FSTL5: variants seen among roughly 807,000 people sequenced by gnomAD.
FSTL5 encodes the protein follistatin like 5, also known as follistatin-related protein 5.
Under a neutral mutation model 89.1 loss-of-function variants are expected in FSTL5, and 62 were observed. That is an observed-to-expected ratio of 0.70 (90% CI 0.57 to 0.86). The LOEUF (loss-of-function observed/expected upper bound fraction) is 0.86, where lower values mean the gene tolerates loss of function less well. FSTL5 is among the 40% of genes least tolerant of loss of function. The pLI is 0.00. For synonymous variants in FSTL5, 383 were observed against 346.2 expected (o/e 1.11, Z -1.18); for missense variants, 1,057 against 1,001.6 (o/e 1.06, Z -0.75).
At chr4:161,452,557 A>C (rs1369232897) in intron 15 of FSTL5, among the ~76,000 whole-genome samples, 1 of 152,138 alleles carries the variant, frequency 6.6e-6, no homozygotes, top group Non-Finnish European at 1.5e-5. Flanking sequence ...GATGTGGAAT[A>C]AATCCTCATT....
At chr4:161,411,439 C>A (rs1182391723) in intron 15 of FSTL5, among the ~76,000 whole-genome samples, 2 of 151,000 alleles carry the variant, frequency 1.3e-5, no homozygotes. Context: ...AAATCCTCAA[C>A]AAAATACTAG....
chr4:161,748,793 A>G (rs1219252766), intron 6 of FSTL5, among the ~76,000 whole-genome samples: 1 of 152,098 alleles, frequency 6.6e-6, no homozygotes, highest in Admixed American at 6.6e-5. Context: ...TGATTAAATG[A>G]CCATCAATAA....
At chr4:161,623,104 C>T (rs1328344367) in intron 7 of FSTL5, among the ~76,000 whole-genome samples, 1 of 151,938 alleles carries the variant, frequency 6.6e-6, no homozygotes, top group Non-Finnish European at 1.5e-5. Flanking sequence ...CTAGCACACT[C>T]GGAATAAAAT....
chr4:162,156,281 T>C (rs1733468415), intron 1 of FSTL5, among the ~76,000 whole-genome samples: 1 of 152,172 alleles, frequency 6.6e-6, no homozygotes, highest in South Asian at 2.1e-4. Flanking sequence ...GCAAATCTTA[T>C]ATGCTATTGG....
intron 6 of FSTL5, among the ~76,000 whole-genome samples, chr4:161,724,024 G>A (rs1331772275): frequency 6.6e-6 from 1 of 151,502 alleles, no homozygotes; most frequent in African/African-American, 2.4e-5. Flanking sequence ...AGTACAACCA[G>A]ATGAGATTAA....
intron 15 of FSTL5, chr4:161,387,169 C>T (rs1730676375): frequency 6.6e-6 from 1 of 151,968 alleles, no homozygotes; most frequent in Admixed American, 6.6e-5. Context: ...TATTTTTAAA[C>T]TCACCTAGAA....
intron 4 of FSTL5, among the ~76,000 whole-genome samples, chr4:161,872,789 T>C (rs1190871319): frequency 6.6e-6 from 1 of 152,172 alleles, no homozygotes; most frequent in African/African-American, 2.4e-5. Flanking sequence ...AATTGAAGTT[T>C]GAGAGAAACT....
intron 8 of FSTL5, among the ~76,000 whole-genome samples, chr4:161,567,897 C>T (rs987371973): frequency 1.3e-5 from 2 of 151,988 alleles, no homozygotes; most frequent in Non-Finnish European, 2.9e-5. Context: ...AAACGATCTT[C>T]CCATTTGGTC....
At chr4:161,591,549 C>CTA (rs927719194) in intron 7 of FSTL5, among the ~76,000 whole-genome samples, 1 of 151,924 alleles carries the variant, frequency 6.6e-6, no homozygotes, top group African/African-American at 2.4e-5. Context: ...CATAATAAAA[C>CTA]TATATATATT....
intron 8 of FSTL5, among the ~76,000 whole-genome samples, chr4:161,566,100 C>CTATATATATATA (rs59511238): frequency 1.9e-4 from 10 of 54,050 alleles, no homozygotes; most frequent in South Asian, 7.5e-4. Context: ...TTTTTTTGGA[C>CTATATATATATA]TATATATATA....
intron 13 of FSTL5, among the ~76,000 whole-genome samples, chr4:161,474,049 T>C (rs928855143): frequency 2.0e-5 from 3 of 152,214 alleles, no homozygotes; most frequent in African/African-American, 4.8e-5. Flanking sequence ...ATTATTGTCT[T>C]CATTCATGTT....
chr4:161,935,153 T>A (rs80229139), intron 3 of FSTL5, among the ~76,000 whole-genome samples: 8,283 of 152,232 alleles, frequency 0.054, 284 homozygotes, highest in Non-Finnish European at 0.08. Flanking sequence ...AGTTCCTAGT[T>A]AATGATTCTA....
chr4:161,559,392 CTTT>C lies in FSTL5; in HGVS notation c.1016-16702_1016-16700del, dbSNP rs1358642690. Among the ~76,000 whole-genome samples, 24 of 151,830 alleles carry C rather than the reference CTTT, an allele frequency of 1.6e-4. 1 individual carries two copies. The East Asian group carries it at 4.5e-3, about 28-fold the overall frequency. On this transcript the variant is annotated intron_variant, in intron 8 of 15. Transcript: ENST00000306100. ...TTCTATTTCTTCTCTCTTTCCTCTT[CTTT>C]TTTTCTTACTTTTCTTCATTGTCCT...
intron 1 of FSTL5, among the ~76,000 whole-genome samples, chr4:162,161,084 T>C (rs890401859): frequency 2.0e-5 from 3 of 151,944 alleles, no homozygotes; most frequent in African/African-American, 7.2e-5. Flanking sequence ...TAATTTTCTG[T>C]AGACTTTATG....
chr4:162,074,465 C>A (rs1045300257), intron 2 of FSTL5, among the ~76,000 whole-genome samples: 26 of 151,484 alleles, frequency 1.7e-4, no homozygotes, highest in Non-Finnish European at 5.9e-5. Context: ...TACTACGTAT[C>A]AAGGATTTAA....
intron 15 of FSTL5, among the ~76,000 whole-genome samples, chr4:161,402,650 A>G (rs1731221008): frequency 6.6e-6 from 1 of 152,138 alleles, no homozygotes; most frequent in African/African-American, 2.4e-5. Flanking sequence ...ACTTGGTCTG[A>G]TCTGCTATCA....
At chr4:161,926,441 GA>G in intron 3 of FSTL5, among the ~76,000 whole-genome samples, 1 of 146,118 alleles carries the variant, frequency 6.8e-6, no homozygotes, top group African/African-American at 2.5e-5. Flanking sequence ...GAGGCCGTAT[GA>G]AAATAATAAG....
intron 4 of FSTL5, among the ~76,000 whole-genome samples, chr4:161,840,323 G>C (rs1731172312): frequency 6.6e-6 from 1 of 151,990 alleles, no homozygotes; most frequent in South Asian, 2.1e-4. Context: ...GAGAAGAAGA[G>C]AGAAATTTTA....
In FSTL5 at chr4:161,757,059, C is replaced by T. The variant is rs367985000; in HGVS notation, c.727+2352G>A. Among the ~76,000 whole-genome samples, 70 of 152,196 alleles carry T rather than the reference C, an allele frequency of 4.6e-4. 3 individuals carry two copies. The South Asian group carries it at 0.014, about 30-fold the overall frequency. Reference sequence around the variant, plus strand: ...ATGCCCAAAATAATTTCTACATTTTCATAAAATTTCAGGTTGCAACAGATA... The same window carrying T: ...ATGCCCAAAATAATTTCTACATTTTTATAAAATTTCAGGTTGCAACAGATA... On this transcript the variant is annotated intron_variant, in intron 6 of 15. Coordinates refer to ENST00000306100, the MANE Select transcript of FSTL5 (RefSeq NM_020116.5).
Sources: gnomAD v4.1 joint callset for allele counts (sites outside exome capture counted in the v4.1 genomes callset) on GRCh38, gnomAD v4.1.1 for gene constraint, MANE v1.5 for transcripts, NCBI Gene and HGNC (gene_info 2026-07-23, HGNC 2026-07-21) for gene names.